Variants in CALN1 observed in about 807,000 individuals in gnomAD.
CALN1 encodes the protein calcium-binding protein 8.
Under a neutral mutation model 30.6 loss-of-function variants are expected in CALN1, and 17 were observed. The observed-to-expected ratio is 0.56, with a 90% confidence interval of 0.38 to 0.83. The LOEUF (loss-of-function observed/expected upper bound fraction) is 0.83, where lower values mean the gene tolerates loss of function less well. CALN1 is among the 40% of genes least tolerant of loss of function. The pLI is 0.00. For synonymous variants in CALN1, 156 were observed against 131.4 expected, an observed-to-expected ratio of 1.19 and a Z score of -1.28; for missense variants, 291 against 354.9, an observed-to-expected ratio of 0.82 and a Z score of 1.45.
In CALN1 at chr7:72,038,743, C is replaced by G. The variant is rs1584800331; in HGVS notation, c.389-14974G>C. 4.6e-5 allele frequency among the ~76,000 whole-genome samples: 7 copies of G among 152,278 alleles called. No homozygotes were observed. In the South Asian group the frequency reaches 1.5e-3, roughly 32 times the overall value. ...ATGGCAACGAGAGTGACCTCTGGTC[C>G]TCCTCACTGCTACACTCCCACCAGT... On this transcript the variant is annotated intron_variant, in intron 4 of 6. Transcript: ENST00000395275.
At chr7:71,917,037 C>A (rs1356826306) in intron 5 of CALN1, among the ~76,000 whole-genome samples, 3 of 152,130 alleles carry the variant, frequency 2.0e-5, no homozygotes, top group African/African-American at 7.2e-5. Context: ...CAACATATTT[C>A]CTCTAAAGAT....
At chr7:72,452,516 G>GT in the CALN1 span, among the ~76,000 whole-genome samples, 1 of 152,064 alleles carries the variant, frequency 6.6e-6, no homozygotes, top group African/African-American at 2.4e-5. Flanking sequence ...CTCTCACCAC[G>GT]TGATGCCTGC....
intron 5 of CALN1, among the ~76,000 whole-genome samples, chr7:72,012,680 C>G (rs2129529341): frequency 6.6e-6 from 1 of 152,344 alleles, no homozygotes; most frequent in East Asian, 1.9e-4. Context: ...CCTGCAGCCT[C>G]TGCAGCAGAG....
intron 6 of CALN1, among the ~76,000 whole-genome samples, chr7:71,809,447 T>C (rs1787806528): frequency 7.6e-6 from 1 of 132,152 alleles, no homozygotes; most frequent in African/African-American, 3.1e-5. Context: ...CTATGTATAC[T>C]GACTTATTTA....
chr7:72,239,958 A>G (rs1004868429), intron 3 of CALN1, among the ~76,000 whole-genome samples: 1 of 152,188 alleles, frequency 6.6e-6, no homozygotes, highest in East Asian at 1.9e-4. Flanking sequence ...AAGGATTTCT[A>G]TTCGACCATG....
intron 5 of CALN1, among the ~76,000 whole-genome samples, chr7:71,865,670 G>A (rs1276735243): frequency 6.6e-6 from 1 of 152,106 alleles, no homozygotes; most frequent in Non-Finnish European, 1.5e-5. Context: ...TTGTTAATTG[G>A]GAGGACACAT....
chr7:71,982,242 CCA>C (rs1443992521), intron 5 of CALN1, among the ~76,000 whole-genome samples: 1 of 152,112 alleles, frequency 6.6e-6, no homozygotes, highest in Non-Finnish European at 1.5e-5. Context: ...GTGGCGGTGG[CCA>C]CAGAGATGCT....
intron 3 of CALN1, among the ~76,000 whole-genome samples, chr7:72,148,982 G>GAGGGAGGAAGGAAGGA (rs1403917869): frequency 2.8e-5 from 4 of 143,144 alleles, no homozygotes; most frequent in African/African-American, 1.0e-4. Context: ...GGGAGGGAGG[G>GAGGGAGGAAGGAAGGA]AGGAAGGAAG....
intron 2 of CALN1, among the ~76,000 whole-genome samples, chr7:72,360,871 G>A (rs939778618): frequency 2.0e-5 from 3 of 151,512 alleles, no homozygotes; most frequent in Non-Finnish European, 4.4e-5. Flanking sequence ...TGAGATTACA[G>A]GTGCACACTA....
At chr7:72,262,546 T>C (rs553082139) in intron 3 of CALN1, among the ~76,000 whole-genome samples, 6 of 152,292 alleles carry the variant, frequency 3.9e-5, no homozygotes, top group African/African-American at 1.4e-4. Flanking sequence ...ATTGTTTCCA[T>C]TATTATGTTC....
chr7:71,991,265 C>T (rs1393952133), intron 5 of CALN1, among the ~76,000 whole-genome samples: 1 of 152,142 alleles, frequency 6.6e-6, no homozygotes, highest in Admixed American at 6.5e-5. Context: ...TTGAGACCAG[C>T]TTGGCCAACG....
intron 1 of CALN1, among the ~76,000 whole-genome samples, chr7:72,428,372 TTTTTTG>T (rs1350377653): frequency 6.6e-6 from 1 of 151,528 alleles, no homozygotes; most frequent in African/African-American, 2.4e-5. Context: ...GATTGATTTT[TTTTTTG>T]TTTTTATTTT....
chr7:72,004,113 A>G (rs1390548037), intron 5 of CALN1, among the ~76,000 whole-genome samples: 2 of 152,224 alleles, frequency 1.3e-5, no homozygotes, highest in Non-Finnish European at 2.9e-5. Context: ...ACAAGAAATC[A>G]CTTAACTGAT....
intron 2 of CALN1, among the ~76,000 whole-genome samples, chr7:72,363,283 G>C (rs933531528): frequency 6.6e-6 from 1 of 152,134 alleles, no homozygotes; most frequent in African/African-American, 2.4e-5. Flanking sequence ...CTGTTGCCTA[G>C]GCTGGAGTGC....
chr7:72,196,507 A>C (rs1040876386), intron 3 of CALN1, among the ~76,000 whole-genome samples: 14 of 152,204 alleles, frequency 9.2e-5, no homozygotes, highest in African/African-American at 3.1e-4. Context: ...AAGTCATGGA[A>C]TTTCATACAT....
rs10950286 is a variant in CALN1, at chr7:71,916,840, G to C, written c.502-106348C>G. Among the ~76,000 whole-genome samples the C allele has an allele frequency of 1.9e-3, 284 of 152,130 alleles. 3 individuals are homozygous for C. Among genetic ancestry groups the C allele is most frequent in the Non-Finnish European group, 3.3e-3 (224 of 67,984 alleles). ...GCAAGAAAAAAAAAATTCTTGCGAT[G>C]TAAGTAGCATAGGTTCTGAACATCC... On this transcript the variant is annotated intron_variant, in intron 5 of 6. Coordinates refer to ENST00000395275, the MANE Select transcript of CALN1 (RefSeq NM_031468.4).
intron 6 of CALN1, among the ~76,000 whole-genome samples, chr7:71,808,085 A>G (rs1010328522): frequency 1.3e-5 from 2 of 152,056 alleles, no homozygotes; most frequent in African/African-American, 4.8e-5. Flanking sequence ...AAAACAAACA[A>G]AACAAAACAA....
At chr7:72,358,353 CTA>C (rs1196256431) in intron 2 of CALN1, among the ~76,000 whole-genome samples, 3 of 151,942 alleles carry the variant, frequency 2.0e-5, no homozygotes, top group African/African-American at 4.9e-5. Flanking sequence ...CTCTGGATCT[CTA>C]TATTTCCTCG....
chr7:71,804,612 A>G (rs898357142), intron 6 of CALN1, among the ~76,000 whole-genome samples: 2 of 152,168 alleles, frequency 1.3e-5, no homozygotes, highest in African/African-American at 4.8e-5. Context: ...TGATGTCAGG[A>G]GTTCGAGATC....
Sources: allele counts gnomAD v4.1 joint callset (sites outside exome capture counted in the v4.1 genomes callset), GRCh38; gene constraint gnomAD v4.1.1; transcripts MANE v1.5; gene names NCBI Gene and HGNC (gene_info 2026-07-23, HGNC 2026-07-21).